DNAJC10: variants seen among roughly 807,000 people sequenced by gnomAD.
DNAJC10 encodes endoplasmic reticulum disulfide reductase DNAJC10.
A neutral mutation model predicts 115.0 loss-of-function variants in DNAJC10; 101 were observed. The observed-to-expected ratio is 0.88, with a 90% CI of 0.75 to 1.04. DNAJC10 has a LOEUF of 1.04. Among genes scored for constraint, DNAJC10 ranks in the 50% least tolerant of loss-of-function variants. DNAJC10 has a pLI of 0.00. For synonymous variants in DNAJC10, 307 were observed against 301.5 expected, an observed-to-expected ratio of 1.02 and a Z score of -0.19; for missense variants, 981 against 928.8, an observed-to-expected ratio of 1.06 and a Z score of -0.73.
At position 182,787,824 on chromosome 2, in the gene DNAJC10, G is replaced by A. The variant is rs1189223483; in HGVS notation, c.*10692G>A. On this transcript the variant is annotated 3_prime_UTR_variant, in exon 24 of 24. Transcript: ENST00000264065. ...TAGTCCCAGCTACTTGGGAGGCTGA[G>A]GTGGGAGGACTGCTTGAGCCCAGGA... The A allele has an allele frequency of 6.6e-6, 1 of 152,546 alleles. No homozygotes were observed. Among genetic ancestry groups the A allele is most frequent in the Non-Finnish European group, 1.5e-5 (1 of 68,402 alleles). 9.4% of individuals were successfully genotyped at this position (152,546 alleles called of 1,614,324 possible). A position where few individuals can be genotyped will look rare whatever the true frequency, so the allele number is the denominator to read the frequency against.
Position 182,754,713 on chromosome 2 carries a change from A to T in DNAJC10, c.1552-290A>T, listed in dbSNP as rs377390370. ...CTTACCTTGGTTCAGGAGAGTAAAA[A>T]GGGACCATTCGTATAATTACCCATG... On this transcript the variant is annotated intron_variant, in intron 16 of 23. Coordinates refer to ENST00000264065, the MANE Select transcript of DNAJC10 (RefSeq NM_018981.4). The T allele has an allele frequency of 6.1e-5, 67 of 1,097,484 alleles. No individual in the cohort carries two copies. The East Asian group carries it at 2.1e-3, about 35-fold the overall frequency. The allele number at this position is 1,097,484 out of a possible 1,614,324, so 68.0% of individuals were successfully genotyped here.
Position 182,782,639 on chromosome 2 carries a change from T to G in DNAJC10, c.*5507T>G, listed in dbSNP as rs894125033. On this transcript the variant is annotated 3_prime_UTR_variant, in exon 24 of 24. Transcript: ENST00000264065. The stretch of plus-strand genomic sequence containing the variant: ...TCTTGAAGAGGTCCTTCACGTCCCT[T>G]GTAAGTTGTATTCCTAGGTATTTAA... The G allele has an allele frequency of 1.3e-5, 2 of 152,218 alleles. No individual in the cohort carries two copies. Among genetic ancestry groups the G allele is most frequent in the African/African-American group, 4.8e-5 (2 of 41,448 alleles). 9.4% of individuals were successfully genotyped at this position (152,218 alleles called of 1,614,324 possible). A position where few individuals can be genotyped will look rare whatever the true frequency, so the allele number is the denominator to read the frequency against.
At chr2:182,767,354 C>T (rs1287879139) in intron 22 of DNAJC10, among the ~76,000 whole-genome samples, 1 of 152,200 alleles carries the variant, frequency 6.6e-6, no homozygotes, top group Non-Finnish European at 1.5e-5. Flanking sequence ...AAAGCATAAG[C>T]TTGTGTAGAG....
At chr2:182,737,929 C>G (rs1185626422) in intron 11 of DNAJC10, among the ~76,000 whole-genome samples, 2 of 152,148 alleles carry the variant, frequency 1.3e-5, no homozygotes, top group East Asian at 3.8e-4. Flanking sequence ...TGGATGGATA[C>G]AGATACGTAA....
chr2:182,773,340 G>A (rs905993018), intron 22 of DNAJC10, among the ~76,000 whole-genome samples: 2 of 152,092 alleles, frequency 1.3e-5, no homozygotes, highest in African/African-American at 2.4e-5. Context: ...GAGTATCTTT[G>A]TGGTGTTCTC....
In DNAJC10 at chr2:182,741,565, G is replaced by A. The variant is rs113272095; in HGVS notation, c.1191+209G>A. On this transcript the variant is annotated intron_variant, in intron 13 of 23. Coordinates refer to ENST00000264065, the MANE Select transcript of DNAJC10 (RefSeq NM_018981.4). ...AAGTGGTTAATTTTCACTTATTTTG[G>A]CATTTGATAAACCTGTATCATACAA... Among the ~76,000 whole-genome samples the A allele has an allele frequency of 7.9e-3, 1,206 of 151,760 alleles. 6 individuals are homozygous for A. The highest frequency in any genetic ancestry group is 0.032 in the South Asian group (152 of 4,812).
chr2:182,760,730 A>C (rs962051956), intron 21 of DNAJC10, among the ~76,000 whole-genome samples: 1 of 152,142 alleles, frequency 6.6e-6, no homozygotes, highest in Non-Finnish European at 1.5e-5. Flanking sequence ...TGGAATGAGA[A>C]AGTCAGCTCC....
intron 17 of DNAJC10, 134 bp downstream of exon 17, chr2:182,755,238 G>A: frequency 1.6e-6 from 1 of 638,632 alleles, no homozygotes. Flanking sequence ...GATTTTTAAA[G>A]AATTTTTCTA....
intron 13 of DNAJC10, among the ~76,000 whole-genome samples, chr2:182,741,701 C>G (rs1376618156): frequency 1.3e-5 from 2 of 151,892 alleles, no homozygotes; most frequent in East Asian, 3.9e-4. Flanking sequence ...TAAATAAGTA[C>G]AAAAATAAAG....
Position 182,777,273 on chromosome 2 carries a change from G to A in DNAJC10, c.*141G>A, listed in dbSNP as rs1462131607. On this transcript the variant is annotated 3_prime_UTR_variant, in exon 24 of 24. Transcript: ENST00000264065. ...AGTTGTACTGCCAGAATTATCTACA[G>A]CACTGGTGTAAAAGAAGGGTCTGCA... 2 of 492,808 alleles carry A rather than the reference G, an allele frequency of 4.1e-6. No homozygotes were observed. Among genetic ancestry groups the A allele is most frequent in the Non-Finnish European group, 6.8e-6 (2 of 294,386 alleles). 30.5% of individuals were successfully genotyped at this position (492,808 alleles called of 1,614,324 possible).
At chr2:182,760,852 G>A (rs1404551489) in intron 21 of DNAJC10, among the ~76,000 whole-genome samples, 2 of 152,140 alleles carry the variant, frequency 1.3e-5, no homozygotes, top group Non-Finnish European at 2.9e-5. Context: ...ATTAGCTGGT[G>A]CATCAGATAA....
Position 182,787,624 on chromosome 2 carries a change from G to C in DNAJC10, c.*10492G>C, listed in dbSNP as rs140057801. 173 of 152,298 alleles carry C rather than the reference G, an allele frequency of 1.1e-3. No homozygotes were observed. Among genetic ancestry groups the C allele is most frequent in the Non-Finnish European group, 2.1e-3 (145 of 68,086 alleles). The allele number at this position is 152,298 out of a possible 1,614,324, so 9.4% of individuals were successfully genotyped here. On this transcript the variant is annotated 3_prime_UTR_variant, in exon 24 of 24. Coordinates refer to ENST00000264065, the MANE Select transcript of DNAJC10 (RefSeq NM_018981.4). ...GGCATGGGAATGAAAGTGAGACTTA[G>C]AGGCAAAGAATGAGGCCAGGTGCGG...
intron 9 of DNAJC10, 129 bp from the exon 10 acceptor site, chr2:182,732,370 C>T: frequency 1.2e-6 from 1 of 809,472 alleles, no homozygotes; most frequent in Admixed American, 1.9e-5. Flanking sequence ...ATTTCCATAT[C>T]TATCAATAGA....
intron 6 of DNAJC10, 46 bp from the exon 7 acceptor site, chr2:182,728,817 G>T (rs1354905207): frequency 1.2e-6 from 2 of 1,609,122 alleles, no homozygotes; most frequent in Admixed American, 3.3e-5. Flanking sequence ...TTCAAGGGAA[G>T]AAAAGTGGTC....
At chr2:182,744,195 T>C (rs1460709486) in intron 14 of DNAJC10, among the ~76,000 whole-genome samples, 2 of 152,194 alleles carry the variant, frequency 1.3e-5, no homozygotes, top group African/African-American at 4.8e-5. Context: ...CAGTCTCAAT[T>C]CCAAGAGTTT....
In DNAJC10 at chr2:182,784,605, AATTC is replaced by A. The variant is rs1694913934; in HGVS notation, c.*7477_*7480del. ...TAAGAATTTCTGACTAGAAATTATA[AATTC>A]ATTGTTTTATGCCTTAAAAATTATA... On this transcript the variant is annotated 3_prime_UTR_variant, in exon 24 of 24. Coordinates refer to ENST00000264065, the MANE Select transcript of DNAJC10 (RefSeq NM_018981.4). 2 of 152,238 alleles carry A rather than the reference AATTC, an allele frequency of 1.3e-5. No individual in the cohort carries two copies. The highest frequency in any genetic ancestry group is 2.4e-5 in the African/African-American group (1 of 41,456). 9.4% of individuals were successfully genotyped at this position (152,238 alleles called of 1,614,324 possible).
intron 22 of DNAJC10, among the ~76,000 whole-genome samples, chr2:182,771,035 A>G (rs2105703285): frequency 6.6e-6 from 1 of 152,310 alleles, no homozygotes; most frequent in East Asian, 1.9e-4. Context: ...AATTTTGTCA[A>G]AGGCCTTTTC....
chr2:182,729,750 A>T, intron 7 of DNAJC10, 98 bp from the exon 8 acceptor site: 2 of 718,356 alleles, frequency 2.8e-6, no homozygotes, highest in Non-Finnish European at 4.6e-6. Flanking sequence ...TTGCTGCATT[A>T]TTCAAGATAA....
chr2:182,766,303 A>G (rs1694410574), intron 22 of DNAJC10, among the ~76,000 whole-genome samples: 1 of 152,172 alleles, frequency 6.6e-6, no homozygotes, highest in Non-Finnish European at 1.5e-5. Context: ...TTCTTTTCTG[A>G]TAAGGGACCA....
Sources: allele counts gnomAD v4.1 joint callset (sites outside exome capture counted in the v4.1 genomes callset), GRCh38; gene constraint gnomAD v4.1.1; transcripts MANE v1.5; gene names NCBI Gene and HGNC (gene_info 2026-07-23, HGNC 2026-07-21).